The following DNAJC10 variants were observed in gnomAD, a reference collection of about 807,000 sequenced individuals.
The protein encoded by DNAJC10 is endoplasmic reticulum disulfide reductase DNAJC10.
Under a neutral mutation model 115.0 loss-of-function variants are expected in DNAJC10, and 101 were observed. That is an observed-to-expected ratio of 0.88 (90% CI 0.75 to 1.04). The LOEUF is 1.04. DNAJC10 is among the 50% of genes least tolerant of loss of function. The pLI is 0.00. For missense variants in DNAJC10, 981 were observed against 928.8 expected, an observed-to-expected ratio of 1.06 and a Z score of -0.73; for synonymous variants, 307 against 301.5, an observed-to-expected ratio of 1.02 and a Z score of -0.19.
intron 17 of DNAJC10, 105 bp from the exon 18 acceptor site, chr2:182,756,209 A>C: frequency 5.2e-6 from 5 of 962,648 alleles, no homozygotes; most frequent in Non-Finnish European, 5.9e-6. Flanking sequence ...AATACTTCCA[A>C]GTATTTTGGA....
intron 8 of DNAJC10, among the ~76,000 whole-genome samples, chr2:182,730,204 CA>C (rs1423110645): frequency 6.6e-6 from 1 of 151,990 alleles, no homozygotes; most frequent in Non-Finnish European, 1.5e-5. Flanking sequence ...TCTCAAAGTG[CA>C]AAAAATGTTT....
chr2:182,729,000 G>T lies in DNAJC10; in HGVS notation c.633+6G>T. On this transcript the variant is annotated splice_donor_region_variant and intron_variant, in intron 7 of 23. Coordinates refer to ENST00000264065, the MANE Select transcript of DNAJC10 (RefSeq NM_018981.4). ...TCATTTTTCGGTCTGGAATGGTAAG[G>T]GATAAAGTTAGCATTTTTTAAATTT... 6.2e-7 allele frequency: 1 copy of T among 1,613,198 alleles called. No homozygotes were observed. Among genetic ancestry groups the T allele is most frequent in the African/African-American group, 1.3e-5 (1 of 74,962 alleles).
rs1427457112 is a variant in DNAJC10, at chr2:182,782,330, T to C, written c.*5198T>C. ...TAGCTCTGTTTTGGTACCAGTACCA[T>C]GCTGTTTTGGTTACTGAGCCTTGTA... is the stretch of plus-strand genomic sequence containing the variant. On this transcript the variant is annotated 3_prime_UTR_variant, in exon 24 of 24. Coordinates refer to ENST00000264065, the MANE Select transcript of DNAJC10 (RefSeq NM_018981.4). 2.0e-5 allele frequency: 3 copies of C among 152,224 alleles called. No individual in the cohort carries two copies. Among genetic ancestry groups the C allele is most frequent in the Admixed American group, 6.5e-5 (1 of 15,272 alleles). 9.4% of individuals were successfully genotyped at this position (152,224 alleles called of 1,614,324 possible).
chr2:182,717,097 A>G (rs1181338644), intron 2 of DNAJC10, 25 bp downstream of exon 2: 19 of 152,258 alleles, frequency 1.2e-4, no homozygotes, highest in Non-Finnish European at 1.5e-5. Context: ...TTTTAAATAT[A>G]CATTTAGGAT....
At chr2:182,735,403 T>C (rs1313558130) in intron 10 of DNAJC10, among the ~76,000 whole-genome samples, 1 of 152,006 alleles carries the variant, frequency 6.6e-6, no homozygotes, top group Non-Finnish European at 1.5e-5. Flanking sequence ...TTTTTACATA[T>C]ATATGCTCCC....
intron 10 of DNAJC10, among the ~76,000 whole-genome samples, chr2:182,733,792 G>C (rs939916699): frequency 1.4e-5 from 2 of 145,746 alleles, no homozygotes; most frequent in African/African-American, 5.2e-5. Context: ...CAGATAGATA[G>C]ATAGATAGAT....
chr2:182,757,218 C>T (rs1465574015), intron 18 of DNAJC10, among the ~76,000 whole-genome samples: 2 of 152,078 alleles, frequency 1.3e-5, no homozygotes, highest in Non-Finnish European at 2.9e-5. Flanking sequence ...CATTTGTTTA[C>T]AAGATAAAAC....
chr2:182,739,206 A>G (rs1363912450), intron 11 of DNAJC10, among the ~76,000 whole-genome samples: 1 of 145,000 alleles, frequency 6.9e-6, no homozygotes, highest in Non-Finnish European at 1.5e-5. Context: ...ATTTATATAT[A>G]TTTATATATA....
intron 1 of DNAJC10, among the ~76,000 whole-genome samples, chr2:182,716,754 C>G (rs946849494): frequency 2.0e-5 from 3 of 152,186 alleles, no homozygotes; most frequent in African/African-American, 4.8e-5. Context: ...CCTGTTCCCC[C>G]GTGTCTTCAT....
chr2:182,752,305 T>C (rs905773406), intron 16 of DNAJC10, 117 bp downstream of exon 16: 3 of 488,918 alleles, frequency 6.1e-6, no homozygotes, highest in Non-Finnish European at 1.0e-5. Context: ...TTTAGAGTAG[T>C]AACAAATTAT....
intron 21 of DNAJC10, among the ~76,000 whole-genome samples, chr2:182,761,975 A>G (rs1458015823): frequency 6.6e-6 from 1 of 152,064 alleles, no homozygotes; most frequent in African/African-American, 2.4e-5. Context: ...AAAGAAAGAA[A>G]GGAGTGGTCA....
In DNAJC10 at chr2:182,729,849, C is replaced by A; in HGVS notation, c.635C>A (p.Ala212Asp). The part of the protein sequence containing the change: ...PSLFIFRSGM[A>D]PVKYHGDRSK... ...TTCTCTTCTTACAAAAACCAATAGG[C>A]CCCAGTGAAATATCATGGAGACAGA... The change falls in exon 8 of 24, where the codon GCC becomes GAC. Residue 212 changes from alanine (A) to aspartate (D), a missense_variant and splice_region_variant. Ala to Asp is a moderately radical substitution (Grantham distance 126). Coordinates refer to ENST00000264065, the MANE Select transcript of DNAJC10 (RefSeq NM_018981.4). The A allele has an allele frequency of 5.1e-6, 8 of 1,579,516 alleles. No homozygotes were observed. The South Asian group carries it at 8.3e-5, about 16-fold the overall frequency.
chr2:182,723,289 A>G (rs1052848976), intron 5 of DNAJC10, among the ~76,000 whole-genome samples: 1 of 151,814 alleles, frequency 6.6e-6, no homozygotes, highest in African/African-American at 2.4e-5. Context: ...CAGGCGATCC[A>G]CCCACGTTGG....
intron 14 of DNAJC10, among the ~76,000 whole-genome samples, chr2:182,750,161 A>G (rs991335160): frequency 2.8e-4 from 42 of 152,290 alleles, no homozygotes; most frequent in Non-Finnish European, 5.7e-4. Context: ...AGAGAGAGAG[A>G]GTCAAGAATA....
At chr2:182,755,417 T>C (rs977139816) in intron 17 of DNAJC10, among the ~76,000 whole-genome samples, 2 of 150,914 alleles carry the variant, frequency 1.3e-5, no homozygotes, top group East Asian at 3.9e-4. Flanking sequence ...TGAAAACAAG[T>C]GTCTGGCATC....
At chr2:182,753,309 A>C (rs1694071683) in intron 16 of DNAJC10, among the ~76,000 whole-genome samples, 1 of 152,166 alleles carries the variant, frequency 6.6e-6, no homozygotes, top group African/African-American at 2.4e-5. Context: ...TTTAAAGAAC[A>C]TAGATGGAGA....
chr2:182,720,343 G>A (rs1490743877), intron 4 of DNAJC10, among the ~76,000 whole-genome samples, 174 bp downstream of exon 4: 2 of 152,160 alleles, frequency 1.3e-5, no homozygotes, highest in African/African-American at 4.8e-5. Context: ...GAGATGATCT[G>A]TACAGATATG....
rs532225073 is a variant in DNAJC10 at position 182,777,355 on chromosome 2, T to C, written c.*223T>C. On this transcript the variant is annotated 3_prime_UTR_variant, in exon 24 of 24. Coordinates refer to ENST00000264065, the MANE Select transcript of DNAJC10 (RefSeq NM_018981.4). ...ATTTTAGACTTTGCAGGCTATAATA[T>C]ATGGTTCACACATGAGAACAAGAAT... 8.9e-6 allele frequency: 3 copies of C among 337,118 alleles called. No homozygotes were observed. The highest frequency in any genetic ancestry group is 1.3e-4 in the South Asian group (1 of 7,898). The allele number at this position is 337,118 out of a possible 1,614,324, so 20.9% of individuals were successfully genotyped here.
intron 16 of DNAJC10, 146 bp from the exon 17 acceptor site, chr2:182,754,857 T>G: frequency 7.4e-7 from 1 of 1,355,832 alleles, no homozygotes; most frequent in Non-Finnish European, 9.8e-7. Flanking sequence ...TTGCTAAATT[T>G]GGTGAGACTA....
Sources: gnomAD v4.1 joint callset for allele counts (sites outside exome capture counted in the v4.1 genomes callset) on GRCh38, gnomAD v4.1.1 for gene constraint, MANE v1.5 for transcripts, NCBI Gene and HGNC (gene_info 2026-07-23, HGNC 2026-07-21) for gene names.